The following USH2A variants were observed in gnomAD, a reference collection of about 807,000 sequenced individuals.
USH2A encodes Usher syndrome 2A (autosomal recessive, mild).
Under a neutral mutation model 538.9 loss-of-function variants are expected in USH2A, and 443 were observed. The observed-to-expected ratio is 0.82, with a 90% CI of 0.76 to 0.89. The LOEUF (loss-of-function observed/expected upper bound fraction) is 0.89, where lower values mean the gene tolerates loss of function less well. USH2A is among the 40% of genes least tolerant of loss of function. The pLI is 0.00. For missense variants in USH2A, 6,633 were observed against 6,324.8 expected (o/e 1.05, Z -1.65); for synonymous variants, 2,413 against 2,273.5 (o/e 1.06, Z -1.75).
intron 3 of USH2A, among the ~76,000 whole-genome samples, chr1:216,412,427 G>T (rs1571794717): frequency 6.6e-6 from 1 of 151,996 alleles, no homozygotes; most frequent in Non-Finnish European, 1.5e-5. Context: ...TGATCAGGCT[G>T]GCTTAAGGGA....
At chr1:216,127,251 A>T (rs1248739429) in intron 21 of USH2A, among the ~76,000 whole-genome samples, 1 of 152,222 alleles carries the variant, frequency 6.6e-6, no homozygotes, top group Non-Finnish European at 1.5e-5. Context: ...ACGGCATTAG[A>T]ATTGACAATG....
chr1:215,942,736 A>G (rs1666664834), intron 37 of USH2A, among the ~76,000 whole-genome samples: 1 of 152,216 alleles, frequency 6.6e-6, no homozygotes, highest in Non-Finnish European at 1.5e-5. Flanking sequence ...TTCTTAGTAT[A>G]GCGCAGCTCC....
rs185780655 is a variant in USH2A at position 216,294,319 on chromosome 1, C to T, written c.1645-1949G>A. On this transcript the variant is annotated intron_variant, in intron 9 of 71. Transcript: ENST00000307340. ...ACTAGCAAATGATAAGTCAAAATGT[C>T]AACATGAGATAATTTCTTTCAAATT... Among the ~76,000 whole-genome samples the T allele has an allele frequency of 1.5e-3, 227 of 151,990 alleles. 2 individuals are homozygous for T. The highest frequency in any genetic ancestry group is 0.012 in the South Asian group (60 of 4,818).
chr1:215,682,411 T>G lies in USH2A; in HGVS notation c.12067-2035A>C, dbSNP rs924490004. On this transcript the variant is annotated intron_variant, in intron 61 of 71. Coordinates refer to ENST00000307340, the MANE Select transcript of USH2A (RefSeq NM_206933.4). ...ATTTATTTCAGAGCTGAGAATTCCA[T>G]TCAGCCCCTAGATGGCAATACTATC... is the stretch of plus-strand genomic sequence containing the variant. Among the ~76,000 whole-genome samples, 3 of 152,306 alleles carry G rather than the reference T, an allele frequency of 2.0e-5. 1 individual carries two copies. In the Middle Eastern group the frequency reaches 0.01, roughly 518 times the overall value.
chr1:216,191,211 A>G (rs902569452), intron 19 of USH2A, among the ~76,000 whole-genome samples: 1 of 152,050 alleles, frequency 6.6e-6, no homozygotes, highest in East Asian at 1.9e-4. Flanking sequence ...GACAGTAACT[A>G]TGAGTACAAA....
intron 4 of USH2A, among the ~76,000 whole-genome samples, chr1:216,330,825 A>G (rs1408642210): frequency 2.0e-5 from 3 of 152,048 alleles, no homozygotes; most frequent in African/African-American, 7.2e-5. Context: ...AGGATATTAC[A>G]GTCATATGTG....
chr1:216,325,839 A>C (rs1007130427), intron 5 of USH2A, among the ~76,000 whole-genome samples: 4 of 152,214 alleles, frequency 2.6e-5, no homozygotes, highest in Non-Finnish European at 5.9e-5. Context: ...TATATCAAGA[A>C]GCATGCATAA....
chr1:216,035,236 T>G (rs1669222053), intron 32 of USH2A, among the ~76,000 whole-genome samples: 1 of 152,164 alleles, frequency 6.6e-6, no homozygotes, highest in Admixed American at 6.6e-5. Context: ...GAACTGCAGT[T>G]GTAATTAGCT....
chr1:215,712,572 A>G (rs1176505095), intron 61 of USH2A, among the ~76,000 whole-genome samples: 1 of 152,152 alleles, frequency 6.6e-6, no homozygotes, highest in African/African-American at 2.4e-5. Context: ...TGAGTTTAAT[A>G]TCTCAAGTCA....
intron 3 of USH2A, among the ~76,000 whole-genome samples, chr1:216,395,616 T>C (rs1347624351): frequency 6.6e-6 from 1 of 152,224 alleles, no homozygotes; most frequent in African/African-American, 2.4e-5. Flanking sequence ...TATAAGGAAA[T>C]GACATCGCCA....
At chr1:215,846,862 G>T (rs1209496466) in intron 44 of USH2A, among the ~76,000 whole-genome samples, 1 of 152,180 alleles carries the variant, frequency 6.6e-6, no homozygotes, top group Non-Finnish European at 1.5e-5. Context: ...CTAGAAGGAT[G>T]CTTAGAAAGA....
intron 67 of USH2A, among the ~76,000 whole-genome samples, chr1:215,647,045 C>T (rs1328557226): frequency 2.0e-5 from 3 of 152,186 alleles, no homozygotes; most frequent in Non-Finnish European, 4.4e-5. Context: ...TTAAGCGATG[C>T]GTGACTGTAT....
chr1:216,066,382 C>A (rs370392042), intron 30 of USH2A, among the ~76,000 whole-genome samples: 8 of 152,108 alleles, frequency 5.3e-5, no homozygotes, highest in African/African-American at 1.7e-4. Context: ...AAGAGAATGG[C>A]GTAAACCTGG....
intron 70 of USH2A, among the ~76,000 whole-genome samples, chr1:215,631,843 A>C (rs929941506): frequency 6.6e-6 from 1 of 152,188 alleles, no homozygotes; most frequent in Non-Finnish European, 1.5e-5. Flanking sequence ...GGGTGTTTAC[A>C]TTCTTTTGTC....
At chr1:216,323,438 C>T (rs1156611641) in intron 8 of USH2A, 36 bp downstream of exon 8, 3 of 1,606,792 alleles carry the variant, frequency 1.9e-6, no homozygotes, top group African/African-American at 2.7e-5. Context: ...GTAAGTATGA[C>T]AAAAACCTTG....
chr1:215,625,954 T>A, intron 71 of USH2A, 84 bp from the exon 72 acceptor site: 1 of 1,344,918 alleles, frequency 7.4e-7, no homozygotes, highest in Non-Finnish European at 1.1e-6. Flanking sequence ...CAATTAAGTG[T>A]AAAAAGTAAT....
intron 32 of USH2A, among the ~76,000 whole-genome samples, chr1:216,013,680 G>A (rs974918939): frequency 6.7e-6 from 1 of 149,120 alleles, no homozygotes; most frequent in Non-Finnish European, 1.5e-5. Context: ...CCCCACTCTG[G>A]CCTCCAGAGA....
chr1:216,078,402 G>T (rs753775186), intron 26 of USH2A, 40 bp from the exon 27 acceptor site: 4 of 1,593,636 alleles, frequency 2.5e-6, no homozygotes, highest in South Asian at 2.2e-5. Context: ...TATATAAAAA[G>T]GCTGCAGAAG....
intron 20 of USH2A, among the ~76,000 whole-genome samples, chr1:216,182,720 A>C (rs191714298): frequency 6.6e-6 from 1 of 152,240 alleles, no homozygotes; most frequent in Non-Finnish European, 1.5e-5. Flanking sequence ...GATCAAAATA[A>C]ATTTTAATTG....
Sources: gnomAD v4.1 joint callset for allele counts (sites outside exome capture counted in the v4.1 genomes callset) on GRCh38, gnomAD v4.1.1 for gene constraint, MANE v1.5 for transcripts, NCBI Gene and HGNC (gene_info 2026-07-23, HGNC 2026-07-21) for gene names.